CADM1: variants seen among roughly 807,000 people sequenced by gnomAD.
CADM1 encodes the protein cell adhesion molecule 1.
A neutral mutation model predicts 53.1 loss-of-function variants in CADM1; 15 were observed. The observed-to-expected ratio is 0.28, with a 90% CI of 0.19 to 0.44. CADM1 has a LOEUF of 0.44. Among genes scored for constraint, CADM1 ranks in the 20% least tolerant of loss-of-function variants. The probability of loss-of-function intolerance (pLI) is 1.00; values close to 1 mark genes in which losing one functional copy is unlikely to be tolerated. For missense variants in CADM1, 434 were observed against 611.3 expected (o/e 0.71, Z 3.06); for synonymous variants, 281 against 243.0 (o/e 1.16, Z -1.45).
intron 1 of CADM1, among the ~76,000 whole-genome samples, chr11:115,482,618 T>A (rs141830793): frequency 6.6e-6 from 1 of 152,222 alleles, no homozygotes; most frequent in South Asian, 2.1e-4. Flanking sequence ...AGTAGAGGTA[T>A]TTATAAACGT....
chr11:115,185,547 A>AT (rs776849526), intron 10 of CADM1, among the ~76,000 whole-genome samples: 2 of 152,014 alleles, frequency 1.3e-5, no homozygotes, highest in African/African-American at 4.8e-5. Flanking sequence ...TTTCTTGTTG[A>AT]TTTTTTCCCC....
At chr11:115,441,496 C>G (rs558508362) in intron 1 of CADM1, among the ~76,000 whole-genome samples, 2 of 152,244 alleles carry the variant, frequency 1.3e-5, no homozygotes, top group South Asian at 2.1e-4. Flanking sequence ...AGATTAAGCT[C>G]ACTGCTTGGA....
At chr11:115,419,732 C>T (rs958618327) in intron 1 of CADM1, among the ~76,000 whole-genome samples, 15 of 152,066 alleles carry the variant, frequency 9.9e-5, no homozygotes, top group Admixed American at 2.0e-4. Flanking sequence ...TGGGTGAACA[C>T]GATGACAGAA....
At chr11:115,462,537 T>A (rs768065434) in intron 1 of CADM1, among the ~76,000 whole-genome samples, 4 of 152,092 alleles carry the variant, frequency 2.6e-5, no homozygotes, top group South Asian at 2.1e-4. Flanking sequence ...CCGCATCTCA[T>A]CTCACACAGA....
intron 8 of CADM1, among the ~76,000 whole-genome samples, chr11:115,208,215 A>G (rs1940789044): frequency 6.6e-6 from 1 of 152,234 alleles, no homozygotes; most frequent in Non-Finnish European, 1.5e-5. Context: ...GATTTTCAGA[A>G]GATTTTAAAT....
chr11:115,263,147 T>C (rs1312758270), intron 1 of CADM1, among the ~76,000 whole-genome samples: 1 of 152,244 alleles, frequency 6.6e-6, no homozygotes, highest in Middle Eastern at 3.2e-3. Context: ...CGTCAAAGTC[T>C]TACTATTGGT....
intron 1 of CADM1, among the ~76,000 whole-genome samples, chr11:115,295,550 A>ATATATATATT (rs371584699): frequency 1.7e-4 from 9 of 52,994 alleles, no homozygotes; most frequent in African/African-American, 2.7e-4. Context: ...ATATATATAT[A>ATATATATATT]ATATATATGT....
chr11:115,309,432 C>T (rs1166691931), intron 1 of CADM1, among the ~76,000 whole-genome samples: 2 of 152,056 alleles, frequency 1.3e-5, no homozygotes, highest in East Asian at 1.9e-4. Context: ...AAAAAAGTAT[C>T]GTGAAATATT....
At chr11:115,196,623 A>AAATTG (rs1565291008) in intron 9 of CADM1, among the ~76,000 whole-genome samples, 3 of 140,110 alleles carry the variant, frequency 2.1e-5, no homozygotes, top group Non-Finnish European at 4.5e-5. Context: ...AAAAAAAATC[A>AAATTG]CAAAACAATC....
intron 10 of CADM1, among the ~76,000 whole-genome samples, chr11:115,188,748 T>C (rs188066501): frequency 5.6e-4 from 85 of 152,312 alleles, no homozygotes; most frequent in Admixed American, 2.8e-3. Flanking sequence ...TATAATTGAA[T>C]TCAGTCTCTA....
chr11:115,341,291 C>T (rs1945439926), intron 1 of CADM1, among the ~76,000 whole-genome samples: 1 of 152,076 alleles, frequency 6.6e-6, no homozygotes, highest in Non-Finnish European at 1.5e-5. Flanking sequence ...AGCTTATATT[C>T]TGATCAATTT....
At chr11:115,394,056 A>G (rs1330072767) in intron 1 of CADM1, among the ~76,000 whole-genome samples, 1 of 152,226 alleles carries the variant, frequency 6.6e-6, no homozygotes, top group Non-Finnish European at 1.5e-5. Flanking sequence ...TTGACTATCT[A>G]AAACAAATTC....
intron 1 of CADM1, among the ~76,000 whole-genome samples, chr11:115,441,889 C>A (rs1024535205): frequency 6.6e-6 from 1 of 151,896 alleles, no homozygotes; most frequent in Non-Finnish European, 1.5e-5. Flanking sequence ...AAAAAAAACC[C>A]ATGATAGTTC....
chr11:115,362,775 G>A (rs1946062267), intron 1 of CADM1, among the ~76,000 whole-genome samples: 1 of 152,010 alleles, frequency 6.6e-6, no homozygotes, highest in South Asian at 2.1e-4. Flanking sequence ...AAAGCAATGA[G>A]GTTATTGAGT....
intron 1 of CADM1, among the ~76,000 whole-genome samples, chr11:115,305,154 G>A (rs1005118833): frequency 7.2e-5 from 11 of 151,872 alleles, no homozygotes; most frequent in Non-Finnish European, 7.4e-5. Context: ...CAAATCACCC[G>A]GAGCCCTCAA....
chr11:115,366,749 T>G (rs1312435545), intron 1 of CADM1, among the ~76,000 whole-genome samples: 2 of 151,226 alleles, frequency 1.3e-5, no homozygotes, highest in East Asian at 3.9e-4. Flanking sequence ...AAATGAGGAG[T>G]AACACAGAGG....
intron 7 of CADM1, among the ~76,000 whole-genome samples, chr11:115,212,300 A>G (rs1253474568): frequency 6.6e-6 from 1 of 152,190 alleles, no homozygotes; most frequent in East Asian, 1.9e-4. Context: ...TTCCAAAATT[A>G]TGGTAGTAAT....
intron 1 of CADM1, among the ~76,000 whole-genome samples, chr11:115,333,131 A>C (rs1414084832): frequency 6.6e-6 from 1 of 152,100 alleles, no homozygotes; most frequent in Non-Finnish European, 1.5e-5. Flanking sequence ...TGACTGCAAC[A>C]AACTCAAGGC....
At chr11:115,387,977 G>A (rs1946741756) in intron 1 of CADM1, among the ~76,000 whole-genome samples, 2 of 151,760 alleles carry the variant, frequency 1.3e-5, no homozygotes, top group South Asian at 2.1e-4. Context: ...TTGATTACAG[G>A]GCTAGGGCAG....
Sources: gnomAD v4.1 joint callset for allele counts (sites outside exome capture counted in the v4.1 genomes callset) on GRCh38, gnomAD v4.1.1 for gene constraint, MANE v1.5 for transcripts, NCBI Gene and HGNC (gene_info 2026-07-23, HGNC 2026-07-21) for gene names.